Variants in OXR1 observed in about 807,000 individuals in gnomAD.
OXR1 encodes the protein oxidation resistance 1.
Under a neutral mutation model 104.6 loss-of-function variants are expected in OXR1, and 41 were observed. The observed-to-expected ratio is 0.39, with a 90% confidence interval of 0.31 to 0.51. The LOEUF (loss-of-function observed/expected upper bound fraction) is 0.51. OXR1 is among the 20% of genes least tolerant of loss of function. The probability of loss-of-function intolerance (pLI) is 0.77; values close to 1 mark genes in which losing one functional copy is unlikely to be tolerated. For synonymous variants in OXR1, 348 were observed against 348.4 expected, an observed-to-expected ratio of 1.00 and a Z score of 0.01; for missense variants, 955 against 1,031.9, an observed-to-expected ratio of 0.93 and a Z score of 1.02.
intron 3 of OXR1, among the ~76,000 whole-genome samples, chr8:106,532,989 A>G (rs1249982762): frequency 6.6e-6 from 1 of 152,218 alleles, no homozygotes; most frequent in Non-Finnish European, 1.5e-5. Context: ...TCCATTCTTC[A>G]TTCATATTTC....
At chr8:106,436,181 T>A (rs927862601) in intron 2 of OXR1, among the ~76,000 whole-genome samples, 3 of 152,156 alleles carry the variant, frequency 2.0e-5, no homozygotes, top group African/African-American at 7.2e-5. Flanking sequence ...CCATTTCATG[T>A]CTCCTGTTTA....
intron 7 of OXR1, among the ~76,000 whole-genome samples, chr8:106,694,730 AT>A (rs1464088866): frequency 9.1e-6 from 1 of 110,068 alleles, no homozygotes; most frequent in Non-Finnish European, 1.7e-5. Flanking sequence ...ATTTTTATAT[AT>A]TTATATATAT....
intron 2 of OXR1, among the ~76,000 whole-genome samples, chr8:106,415,677 C>A (rs187182589): frequency 1.3e-5 from 2 of 151,504 alleles, no homozygotes; most frequent in East Asian, 3.9e-4. Context: ...AAGACACACT[C>A]TTTTTAATAC....
At chr8:106,729,961 CA>C (rs1269363337) in intron 11 of OXR1, 3 of 152,140 alleles carry the variant, frequency 2.0e-5, no homozygotes, top group African/African-American at 7.2e-5. Flanking sequence ...ACTAGAATAT[CA>C]CTAATGTAGC....
At chr8:106,693,093 A>G (rs761702921) in intron 7 of OXR1, among the ~76,000 whole-genome samples, 3 of 152,180 alleles carry the variant, frequency 2.0e-5, no homozygotes, top group Non-Finnish European at 4.4e-5. Context: ...TGGAATATAA[A>G]TAAATTCACT....
At chr8:106,419,194 C>G (rs1049478483) in intron 2 of OXR1, among the ~76,000 whole-genome samples, 7 of 152,134 alleles carry the variant, frequency 4.6e-5, no homozygotes, top group Admixed American at 3.9e-4. Context: ...GTGCTGTGGG[C>G]TAGAACATGC....
At chr8:106,649,984 C>T (rs1586965585) in intron 3 of OXR1, among the ~76,000 whole-genome samples, 1 of 152,142 alleles carries the variant, frequency 6.6e-6, no homozygotes, top group East Asian at 1.9e-4. Flanking sequence ...GTGTGAGTCA[C>T]CGCACCTGGC....
At chr8:106,356,054 A>G (rs1815954886) in intron 1 of OXR1, among the ~76,000 whole-genome samples, 1 of 152,176 alleles carries the variant, frequency 6.6e-6, no homozygotes, top group Non-Finnish European at 1.5e-5. Flanking sequence ...AGCTTGCAGA[A>G]AAGTTCTAGA....
chr8:106,335,301 A>T lies in OXR1; in HGVS notation c.-138-24175A>T, dbSNP rs554782004. 8.5e-5 allele frequency among the ~76,000 whole-genome samples: 13 copies of T among 152,204 alleles called. No homozygotes were observed. In the East Asian group the frequency reaches 2.5e-3, roughly 29 times the overall value. ...TTCTAACCCTCAAGTATAAAATTAC[A>T]CTTTATTTTAATTGTTGATTTACGG... On this transcript the variant is annotated intron_variant, in intron 1 of 16. Transcript: ENST00000517566.
chr8:106,329,542 T>C (rs571934355), intron 1 of OXR1, among the ~76,000 whole-genome samples: 14 of 152,100 alleles, frequency 9.2e-5, no homozygotes, highest in African/African-American at 2.9e-4. Flanking sequence ...AAAGACGGGG[T>C]TTCACCGTGT....
chr8:106,462,733 G>A (rs1820975520), intron 2 of OXR1, among the ~76,000 whole-genome samples: 1 of 152,096 alleles, frequency 6.6e-6, no homozygotes, highest in Non-Finnish European at 1.5e-5. Context: ...ACTTGGTTCT[G>A]ATAGTTGCTA....
intron 2 of OXR1, among the ~76,000 whole-genome samples, chr8:106,479,406 A>T (rs1321199524): frequency 6.6e-6 from 1 of 152,008 alleles, no homozygotes; most frequent in Non-Finnish European, 1.5e-5. Flanking sequence ...CTACCTAATA[A>T]GTCTTTATTG....
intron 10 of OXR1, among the ~76,000 whole-genome samples, chr8:106,712,142 G>C (rs569720065): frequency 8.5e-5 from 13 of 152,090 alleles, no homozygotes; most frequent in African/African-American, 3.1e-4. Context: ...ACTGAAGAGA[G>C]TTTCATTTTA....
Position 106,752,565 on chromosome 8 carries a change from C to A in OXR1, c.*1624C>A, listed in dbSNP as rs529460168. 86 of 152,466 alleles carry A rather than the reference C, an allele frequency of 5.6e-4. No homozygotes were observed. The highest frequency in any genetic ancestry group is 2.0e-3 in the African/African-American group (84 of 41,524). The allele number at this position is 152,466 out of a possible 1,614,324, so 9.4% of individuals were successfully genotyped here. On this transcript the variant is annotated 3_prime_UTR_variant, in exon 17 of 17. Transcript: ENST00000517566. ...TAAATATATCAGTTTTTTTCCCCTTCGGTCTTCCACAGCAGTATTATTGTC... is the reference window on the plus strand; with the variant it reads ...TAAATATATCAGTTTTTTTCCCCTTAGGTCTTCCACAGCAGTATTATTGTC...
At chr8:106,345,159 GAC>G (rs1189295300) in intron 1 of OXR1, among the ~76,000 whole-genome samples, 1 of 152,174 alleles carries the variant, frequency 6.6e-6, no homozygotes, top group Admixed American at 6.5e-5. Context: ...AAAAGTGCCT[GAC>G]ACACAGCAGG....
chr8:106,415,855 G>A (rs530324330), intron 2 of OXR1, among the ~76,000 whole-genome samples: 36 of 152,080 alleles, frequency 2.4e-4, no homozygotes, highest in African/African-American at 8.7e-4. Context: ...ACATGTTTAT[G>A]CGTTTGATGC....
intron 1 of OXR1, among the ~76,000 whole-genome samples, chr8:106,317,058 A>G (rs1336376079): frequency 5.9e-5 from 9 of 152,220 alleles, no homozygotes; most frequent in Non-Finnish European, 1.3e-4. Flanking sequence ...TAAGAGCAAT[A>G]GTTTGCAGAC....
intron 1 of OXR1, among the ~76,000 whole-genome samples, chr8:106,334,390 AT>A (rs1447095898): frequency 6.6e-6 from 1 of 151,996 alleles, no homozygotes; most frequent in Non-Finnish European, 1.5e-5. Context: ...ATCTGCAAGT[AT>A]TTTTACTTTT....
chr8:106,658,023 C>A, intron 3 of OXR1: 3 of 1,248,488 alleles, frequency 2.4e-6, no homozygotes, highest in Non-Finnish European at 2.0e-6. Context: ...GAAGAGTGGG[C>A]GCCTTCTGCG....
Sources: allele counts gnomAD v4.1 joint callset (sites outside exome capture counted in the v4.1 genomes callset), GRCh38; gene constraint gnomAD v4.1.1; transcripts MANE v1.5; gene names NCBI Gene and HGNC (gene_info 2026-07-23, HGNC 2026-07-21).